C10orf90: variants seen among roughly 807,000 people sequenced by gnomAD.
C10orf90 encodes the protein (E2-independent) E3 ubiquitin-conjugating enzyme FATS.
Under a neutral mutation model 62.5 loss-of-function variants are expected in C10orf90, and 56 were observed. That is an observed-to-expected ratio of 0.90 (90% CI 0.72 to 1.12). The LOEUF (loss-of-function observed/expected upper bound fraction) is 1.12. Ranked by LOEUF, C10orf90 falls within the 50% of genes most tolerant of loss-of-function variation. C10orf90 has a pLI of 0.00. For missense variants in C10orf90, 970 were observed against 880.4 expected (o/e 1.10, Z -1.29); for synonymous variants, 386 against 340.4 (o/e 1.13, Z -1.47).
intron 2 of C10orf90, among the ~76,000 whole-genome samples, chr10:126,543,838 G>T (rs1052829266): frequency 6.6e-6 from 1 of 152,184 alleles, no homozygotes; most frequent in East Asian, 1.9e-4. Flanking sequence ...CACTCAGAAG[G>T]TTGGTATCAA....
chr10:126,652,470 T>C (rs1303914936), intron 1 of C10orf90, among the ~76,000 whole-genome samples: 1 of 152,178 alleles, frequency 6.6e-6, no homozygotes, highest in African/African-American at 2.4e-5. Flanking sequence ...GGTTCTGATA[T>C]GAAAATGAGA....
At chr10:126,442,631 G>GTGTA (rs1858449554) in intron 7 of C10orf90, among the ~76,000 whole-genome samples, 1 of 91,870 alleles carries the variant, frequency 1.1e-5, no homozygotes, top group African/African-American at 4.7e-5. Context: ...TATTGTGTGT[G>GTGTA]TGTATATATA....
At chr10:126,491,933 G>T (rs1418859234) in intron 4 of C10orf90, among the ~76,000 whole-genome samples, 1 of 152,202 alleles carries the variant, frequency 6.6e-6, no homozygotes, top group Non-Finnish European at 1.5e-5. Flanking sequence ...AGGTATGCAG[G>T]TTACAGAAGT....
Position 126,567,140 on chromosome 10 carries a change from C to T in C10orf90, c.314-53201G>A, listed in dbSNP as rs141020586. Among the ~76,000 whole-genome samples, 1,111 of 152,244 alleles carry T rather than the reference C, an allele frequency of 7.3e-3. 10 individuals carry two copies. The highest frequency in any genetic ancestry group is 9.0e-3 in the Non-Finnish European group (612 of 68,020). ...TGGGGATTGTATTAGTCTGTTCTCG[C>T]ATTGCTATAAAGAAATACATAAGAC... is the stretch of plus-strand genomic sequence containing the variant. On this transcript the variant is annotated intron_variant, in intron 2 of 9. Transcript: ENST00000488181.
intron 2 of C10orf90, among the ~76,000 whole-genome samples, chr10:126,636,259 G>A (rs1282524239): frequency 2.6e-5 from 4 of 152,062 alleles, no homozygotes; most frequent in African/African-American, 7.2e-5. Flanking sequence ...CCCCTCACAC[G>A]TGTTACAAGC....
At chr10:126,513,266 T>C (rs1383782299) in intron 3 of C10orf90, among the ~76,000 whole-genome samples, 1 of 152,240 alleles carries the variant, frequency 6.6e-6, no homozygotes. Context: ...GCAAGTCACC[T>C]ACTGAAGCTG....
rs114247106 is a variant in C10orf90, at chr10:126,517,068, T to G, written c.314-3129A>C. Among the ~76,000 whole-genome samples the G allele has an allele frequency of 4.4e-3, 669 of 152,260 alleles. 2 individuals are homozygous for G. Among genetic ancestry groups the G allele is most frequent in the African/African-American group, 0.015 (641 of 41,528 alleles). On this transcript the variant is annotated intron_variant, in intron 2 of 9. Transcript: ENST00000488181. ...AGTCCCTTTGGCCAAAGTAACATAT[T>G]TATAAGTTCCAGGGATTAAGACATG...
chr10:126,634,959 C>T (rs1845920661), intron 2 of C10orf90, among the ~76,000 whole-genome samples: 1 of 152,182 alleles, frequency 6.6e-6, no homozygotes, highest in Non-Finnish European at 1.5e-5. Context: ...CACAGTGCGG[C>T]TTTCTGGAAG....
chr10:126,633,940 G>A (rs967909429), intron 2 of C10orf90, among the ~76,000 whole-genome samples: 13 of 152,126 alleles, frequency 8.5e-5, no homozygotes, highest in Admixed American at 2.0e-4. Flanking sequence ...GTATCACTTC[G>A]CACCTGTCAG....
chr10:126,512,378 GTGTGTGTCTGTGTGTGTGTGTGTGTC>G (rs1564847064), intron 3 of C10orf90, among the ~76,000 whole-genome samples: 4 of 54,816 alleles, frequency 7.3e-5, no homozygotes, highest in African/African-American at 2.0e-4. Flanking sequence ...GTGTCTGTGT[GTGTGTGTCTGTGTGTGTGTGTGTGTC>G]TGTGTGTCTG....
intron 7 of C10orf90, among the ~76,000 whole-genome samples, chr10:126,452,483 T>C (rs1590927842): frequency 6.6e-6 from 1 of 152,204 alleles, no homozygotes; most frequent in South Asian, 2.1e-4. Context: ...CACTGCAAGG[T>C]TTATTACTCA....
chr10:126,660,688 A>G (rs1846491404), intron 1 of C10orf90, among the ~76,000 whole-genome samples: 2 of 152,220 alleles, frequency 1.3e-5, no homozygotes, highest in Non-Finnish European at 2.9e-5. Context: ...CAAATAATCA[A>G]TGGTGTTGTT....
intron 2 of C10orf90, among the ~76,000 whole-genome samples, chr10:126,596,995 A>G (rs1430144896): frequency 6.6e-6 from 1 of 152,222 alleles, no homozygotes; most frequent in Non-Finnish European, 1.5e-5. Flanking sequence ...TAAAACCACA[A>G]TGAGATACCG....
intron 2 of C10orf90, among the ~76,000 whole-genome samples, chr10:126,543,610 C>T (rs1564864916): frequency 6.6e-6 from 1 of 152,172 alleles, no homozygotes; most frequent in African/African-American, 2.4e-5. Flanking sequence ...TTCCCTGAGA[C>T]CAAGCCAATG....
At chr10:126,536,771 T>A (rs1864248900) in intron 2 of C10orf90, among the ~76,000 whole-genome samples, 3 of 152,200 alleles carry the variant, frequency 2.0e-5, no homozygotes, top group Non-Finnish European at 4.4e-5. Flanking sequence ...AAGGCAGCCC[T>A]GAAAATCTCC....
At chr10:126,441,833 A>G (rs1858348139) in intron 7 of C10orf90, among the ~76,000 whole-genome samples, 1 of 152,162 alleles carries the variant, frequency 6.6e-6, no homozygotes, top group Non-Finnish European at 1.5e-5. Flanking sequence ...TAAACAAATG[A>G]TGAGAGAATT....
intron 2 of C10orf90, among the ~76,000 whole-genome samples, chr10:126,635,697 G>A (rs1473466693): frequency 4.6e-5 from 7 of 152,182 alleles, no homozygotes; most frequent in Admixed American, 3.3e-4. Flanking sequence ...CACACTATGG[G>A]ATGTCTCTAA....
intron 4 of C10orf90, among the ~76,000 whole-genome samples, chr10:126,483,069 A>G (rs1861246042): frequency 6.6e-6 from 1 of 152,262 alleles, no homozygotes; most frequent in African/African-American, 2.4e-5. Context: ...AGTGCATGAC[A>G]GTTATAGTGT....
rs1846224368 is a variant in C10orf90 at position 126,648,963 on chromosome 10, G to A, written c.241-2326C>T. Among the ~76,000 whole-genome samples, 2 of 151,136 alleles carry A rather than the reference G, an allele frequency of 1.3e-5. 1 individual carries two copies. The highest frequency in any genetic ancestry group is 4.2e-4 in the South Asian group (2 of 4,792). Reference sequence around the variant, plus strand: ...GTTGTTAGTCAAGAGCCCCAGCCTTGCCATTAAGTAACAAACACTGAAGTG... The same window carrying A: ...GTTGTTAGTCAAGAGCCCCAGCCTTACCATTAAGTAACAAACACTGAAGTG... On this transcript the variant is annotated intron_variant, in intron 1 of 9. Transcript: ENST00000488181.
Sources: gnomAD v4.1 joint callset for allele counts (sites outside exome capture counted in the v4.1 genomes callset) on GRCh38, gnomAD v4.1.1 for gene constraint, MANE v1.5 for transcripts, NCBI Gene and HGNC (gene_info 2026-07-23, HGNC 2026-07-21) for gene names.